KCNQ4: variants seen among roughly 807,000 people sequenced by gnomAD.
The protein encoded by KCNQ4 is potassium voltage-gated channel subfamily Q member 4, also known as potassium voltage-gated channel subfamily KQT member 4.
In KCNQ4, 31 loss-of-function variants were observed where a neutral mutation model predicts 72.6. That is an observed-to-expected ratio of 0.43 (90% CI 0.32 to 0.58). KCNQ4 has a LOEUF of 0.58. Ranked by LOEUF, KCNQ4 falls within the 20% of genes least tolerant of loss-of-function variation. KCNQ4 has a pLI of 0.08. For synonymous variants in KCNQ4, 405 were observed against 403.7 expected (o/e 1.00, Z -0.04); for missense variants, 869 against 962.6 (o/e 0.90, Z 1.29).
chr1:40,821,112 C>T (rs542018482), intron 7 of KCNQ4, among the ~76,000 whole-genome samples: 45 of 152,278 alleles, frequency 3.0e-4, no homozygotes, highest in Non-Finnish European at 4.9e-4. Context: ...TTCTTCTTAG[C>T]GTCCCTTGGG....
rs182606406 is a variant in KCNQ4 at position 40,832,396 on chromosome 1, A to G, written c.1514-618A>G. ...GTGCTGCCCATAGAAGCCTGGGCAC[A>G]GCTGGTGCCCAGGACCTCCCTTCCC... On this transcript the variant is annotated intron_variant, in intron 10 of 13. Transcript: ENST00000347132. Among the ~76,000 whole-genome samples the G allele has an allele frequency of 7.7e-3, 1,175 of 152,318 alleles. 15 individuals carry two copies. Among genetic ancestry groups the G allele is most frequent in the African/African-American group, 0.027 (1,115 of 41,566 alleles).
intron 8 of KCNQ4, among the ~76,000 whole-genome samples, chr1:40,823,101 G>A (rs1323151871): frequency 1.3e-5 from 2 of 152,256 alleles, no homozygotes; most frequent in Non-Finnish European, 2.9e-5. Flanking sequence ...GCTGTGCTCA[G>A]CGCTTCTGCG....
intron 1 of KCNQ4, among the ~76,000 whole-genome samples, chr1:40,792,516 TGGCTCAAGGGCACAGCCCACAC>T (rs1647302684): frequency 6.6e-6 from 1 of 152,198 alleles, no homozygotes; most frequent in African/African-American, 2.4e-5. Context: ...AGGGACCTGA[TGGCTCAAGGGCACAGCCCACAC>T]GGGGGCCTTT....
rs376393680 is a variant in KCNQ4 at position 40,788,996 on chromosome 1, C to T, written c.314+4589C>T. On this transcript the variant is annotated intron_variant, in intron 1 of 13. Coordinates refer to ENST00000347132, the MANE Select transcript of KCNQ4 (RefSeq NM_004700.4). This position sits in a 1 kb window ranked among gnomAD's most constrained non-coding sequence, Gnocchi z 4.5. The stretch of plus-strand genomic sequence containing the variant: ...CAGACACTCACCATGGACACACACC[C>T]GGGCCCGTGGCTCCAGCCCAGACCC... Among the ~76,000 whole-genome samples the T allele has an allele frequency of 1.4e-4, 21 of 152,352 alleles. No individual in the cohort carries two copies. The highest frequency in any genetic ancestry group is 4.3e-4 in the African/African-American group (18 of 41,592).
chr1:40,789,840 GGAA>G, intron 1 of KCNQ4, among the ~76,000 whole-genome samples: 1 of 152,332 alleles, frequency 6.6e-6, no homozygotes, highest in East Asian at 1.9e-4. Context: ...CAAAGGAGCT[GGAA>G]CTGCCTGGGA....
chr1:40,830,993 A>C, intron 9 of KCNQ4, 91 bp from the exon 10 acceptor site: 5 of 1,069,254 alleles, frequency 4.7e-6, no homozygotes, highest in Non-Finnish European at 5.6e-6. Flanking sequence ...CCTAATAGCC[A>C]CCCCCAAGTC....
At chr1:40,802,931 C>T (rs1470610170) in intron 1 of KCNQ4, among the ~76,000 whole-genome samples, 2 of 152,176 alleles carry the variant, frequency 1.3e-5, no homozygotes, top group Non-Finnish European at 2.9e-5. Flanking sequence ...TGAATTCAAG[C>T]CCATTCTTTT....
chr1:40,831,230 A>T lies in KCNQ4; in HGVS notation c.1439A>T (p.Gln480Leu). The change falls in exon 10 of 14, where the codon CAA becomes CTA. Residue 480 changes from glutamine (Q) to leucine (L), a missense_variant. Transcript: ENST00000347132. Reference sequence around the variant, plus strand: ...GAGGCCACCAGCCCCACCAAGGTGCAAAAGAGCTGGAGCTTCAATGACCGC... The same window carrying T: ...GAGGCCACCAGCCCCACCAAGGTGCTAAAGAGCTGGAGCTTCAATGACCGC... ...VGEATSPTKV[Q>L]KSWSFNDRTR... 1 of 1,609,778 alleles carries T rather than the reference A, an allele frequency of 6.2e-7. No homozygotes were observed. The highest frequency in any genetic ancestry group is 2.2e-5 in the East Asian group (1 of 44,760).
intron 10 of KCNQ4, among the ~76,000 whole-genome samples, chr1:40,832,042 C>A (rs750821502): frequency 2.0e-5 from 3 of 152,250 alleles, no homozygotes; most frequent in Non-Finnish European, 4.4e-5. Context: ...ATGCTGATGT[C>A]ACTTTTCTGA....
In KCNQ4 at chr1:40,832,810, C is replaced by T. The variant is rs759121706; in HGVS notation, c.1514-204C>T. Among the ~76,000 whole-genome samples, 11 of 152,186 alleles carry T rather than the reference C, an allele frequency of 7.2e-5. No individual in the cohort carries two copies. In the South Asian group the frequency reaches 8.3e-4, roughly 11 times the overall value. The stretch of plus-strand genomic sequence containing the variant: ...GCAGATGTTTACCCTGACTGGCCAC[C>T]GGGGCAGATGGGCATGCAACACACT... On this transcript the variant is annotated intron_variant, in intron 10 of 13. Coordinates refer to ENST00000347132, the MANE Select transcript of KCNQ4 (RefSeq NM_004700.4).
intron 6 of KCNQ4, 50 bp from the exon 7 acceptor site, chr1:40,820,114 AC>A: frequency 6.4e-7 from 1 of 1,550,696 alleles, no homozygotes; most frequent in Non-Finnish European, 8.8e-7. Context: ...GCAGCCTCTT[AC>A]TGCCCCACCA....
At chr1:40,785,200 C>T (rs1481151343) in intron 1 of KCNQ4, among the ~76,000 whole-genome samples, 1 of 152,222 alleles carries the variant, frequency 6.6e-6, no homozygotes, top group African/African-American at 2.4e-5. Context: ...CCTCCTCCCT[C>T]TCACCAGGCT....
chr1:40,812,563 C>T (rs1454850030), intron 1 of KCNQ4, among the ~76,000 whole-genome samples: 1 of 152,162 alleles, frequency 6.6e-6, no homozygotes, highest in Non-Finnish European at 1.5e-5. Flanking sequence ...CGCCTCGTCC[C>T]AGGATGTTTT....
Position 40,835,058 on chromosome 1 carries a change from C to T in KCNQ4, c.1705C>T (p.His569Tyr). Reference sequence around the variant, plus strand: ...CGTCATTGAGCAGTACTCAGCAGGCCACCTGGACATGCTGGGCCGGATCAA... The same window carrying T: ...CGTCATTGAGCAGTACTCAGCAGGCTACCTGGACATGCTGGGCCGGATCAA... ...KDVIEQYSAG[H>Y]LDMLGRIKSL... Residue 569 changes from histidine (H) to tyrosine (Y), a missense_variant, in exon 12 of 14, where the codon CAC (histidine) becomes TAC (tyrosine). This residue lies in a region of KCNQ4 where 480 missense variants were observed against 501.9 expected (regional missense o/e 0.96). Coordinates refer to ENST00000347132, the MANE Select transcript of KCNQ4 (RefSeq NM_004700.4). The T allele has an allele frequency of 2.5e-6, 4 of 1,614,108 alleles. No individual in the cohort carries two copies. The highest frequency in any genetic ancestry group is 3.4e-6 in the Non-Finnish European group (4 of 1,179,974).
At chr1:40,834,757 C>A (rs1456461420) in intron 11 of KCNQ4, among the ~76,000 whole-genome samples, 1 of 148,728 alleles carries the variant, frequency 6.7e-6, no homozygotes, top group African/African-American at 2.6e-5. Flanking sequence ...CATCCTCCAC[C>A]CCGGCTGGTT....
chr1:40,793,680 A>T (rs991613272), intron 1 of KCNQ4, among the ~76,000 whole-genome samples: 1 of 152,046 alleles, frequency 6.6e-6, no homozygotes, highest in African/African-American at 2.4e-5. Context: ...CTTTGCTCTC[A>T]CCTAAGAAAT....
chr1:40,823,967 G>T, intron 8 of KCNQ4, 130 bp from the exon 9 acceptor site: 1 of 1,036,656 alleles, frequency 9.6e-7, no homozygotes, highest in Non-Finnish European at 1.5e-6. Context: ...TCCTATTCTG[G>T]CCGGGCTGTC....
At position 40,837,736 on chromosome 1, in the gene KCNQ4, AC is replaced by A; in HGVS notation, c.1818del (p.Asp606GlufsTer10). On this transcript the variant is annotated frameshift_variant, in exon 13 of 14. Transcript: ENST00000347132. LOFTEE classifies it high-confidence loss of function. ...AREKGDKGPS[D>X]AEVVDEISMM... is the part of the protein sequence containing the mutation. The stretch of plus-strand genomic sequence containing the variant: ...GAGAAGGGCGACAAGGGGCCCTCCG[AC>A]GCGGAGGTGGTGGATGAAATCAGCA... 6.2e-7 allele frequency: 1 copy of A among 1,612,632 alleles called. No individual in the cohort carries two copies.
chr1:40,836,913 G>A (rs61778974), intron 12 of KCNQ4, among the ~76,000 whole-genome samples: 8,711 of 151,962 alleles, frequency 0.057, 323 homozygotes, highest in East Asian at 0.13. Context: ...GAAAGGAATT[G>A]GAGGTAGAGG....
Sources: allele counts gnomAD v4.1 joint callset (sites outside exome capture counted in the v4.1 genomes callset), GRCh38; gene constraint gnomAD v4.1.1; regional missense constraint gnomAD v4.1.1; non-coding constraint Gnocchi (gnomAD v3.1); transcripts MANE v1.5; gene names NCBI Gene and HGNC (gene_info 2026-07-23, HGNC 2026-07-21).